The following S100A7A variants were observed in gnomAD, a reference collection of about 807,000 sequenced individuals.
The protein encoded by S100A7A is S100 calcium binding protein A7A.
In S100A7A, 5 loss-of-function variants were observed where a neutral mutation model predicts 4.0. The observed-to-expected ratio is 1.26, with a 90% confidence interval of 0.66 to 2.66. S100A7A has a LOEUF of 2.66. S100A7A is among the 30% of genes most tolerant of loss of function. The pLI is 0.01. For synonymous variants in S100A7A, 52 were observed against 46.4 expected (o/e 1.12, Z -0.49); for missense variants, 159 against 125.1 (o/e 1.27, Z -1.29).
chr1:153,417,745 TG>T (rs147106998), intron 1 of S100A7A, among the ~76,000 whole-genome samples: 2 of 152,282 alleles, frequency 1.3e-5, no homozygotes, highest in South Asian at 4.1e-4. Flanking sequence ...TGGTTGAGGC[TG>T]GGGGGTCCCA....
intron 1 of S100A7A, among the ~76,000 whole-genome samples, chr1:153,417,042 C>A (rs944306916): frequency 2.0e-5 from 3 of 152,264 alleles, no homozygotes; most frequent in Non-Finnish European, 4.4e-5. Flanking sequence ...CTGGCCTTGG[C>A]CTTGGCCTCA....
intron 2 of S100A7A, among the ~76,000 whole-genome samples, chr1:153,418,664 A>T (rs1484450076): frequency 6.6e-6 from 1 of 152,142 alleles, no homozygotes; most frequent in African/African-American, 2.4e-5. Context: ...ATCTGAAAAA[A>T]CCTGTGGGCT....
At position 153,418,144 on chromosome 1, in the gene S100A7A, C is replaced by A. The variant is rs762608171; in HGVS notation, c.62C>A (p.Thr21Asn). 32 of 1,613,954 alleles carry A rather than the reference C, an allele frequency of 2.0e-5. No individual in the cohort carries two copies. The highest frequency in any genetic ancestry group is 3.3e-4 in the Middle Eastern group (2 of 6,084). ...ATGATCGACATGTTTCACAAATACA[C>A]CGGACGTGATGGCAAGATTGAGAAG... ...IGMIDMFHKY[T>N]GRDGKIEKPS... The change falls in exon 2 of 3, where the codon ACC (threonine) becomes AAC (asparagine). Residue 21 changes from threonine to asparagine, a missense_variant. Transcript: ENST00000368729.
At position 153,418,104 on chromosome 1, in the gene S100A7A, A is replaced by C; in HGVS notation, c.22A>C (p.Arg8=). The C allele has an allele frequency of 6.2e-7, 1 of 1,614,202 alleles. No individual in the cohort carries two copies. Among genetic ancestry groups the C allele is most frequent in the Non-Finnish European group, 8.5e-7 (1 of 1,180,018 alleles). The part of the protein sequence containing the change: MSNTQAE[R]SIIGMIDMFH... ...AAAGATGAGCAACACTCAAGCTGAGAGGTCCATAATAGGCATGATCGACAT... is the reference window on the plus strand; with the variant it reads ...AAAGATGAGCAACACTCAAGCTGAGCGGTCCATAATAGGCATGATCGACAT... The change falls in exon 2 of 3, where the codon AGG becomes CGG. Residue 8 remains arginine (R), a synonymous_variant. Transcript: ENST00000368729.
At chr1:153,417,264 G>C (rs377076692) in intron 1 of S100A7A, 1 of 152,206 alleles carries the variant, frequency 6.6e-6, no homozygotes. Flanking sequence ...CTGGCTGGAA[G>C]ATCTGCTTTG....
Position 153,421,441 on chromosome 1 carries a change from A to G in S100A7A, c.*2132A>G, listed in dbSNP as rs1267991005. 6.6e-6 allele frequency: 1 copy of G among 152,250 alleles called. No homozygotes were observed. Among genetic ancestry groups the G allele is most frequent in the Non-Finnish European group, 1.5e-5 (1 of 68,044 alleles). 9.4% of individuals were successfully genotyped at this position (152,250 alleles called of 1,614,324 possible). A position where few individuals can be genotyped will look rare whatever the true frequency, so the allele number is the denominator to read the frequency against. ...CGGATCTCCTGGTTACCCAGCACAT[A>G]GTAGTACTGGATTCCAGCTCATAAT... is the stretch of plus-strand genomic sequence containing the variant. On this transcript the variant is annotated 3_prime_UTR_variant, in exon 3 of 3. Transcript: ENST00000368729.
At chr1:153,418,801 C>A (rs1179823235) in intron 2 of S100A7A, among the ~76,000 whole-genome samples, 1 of 152,120 alleles carries the variant, frequency 6.6e-6, no homozygotes, top group African/African-American at 2.4e-5. Flanking sequence ...AATTTTGAGG[C>A]CCTGGGGTAG....
At chr1:153,417,385 A>G (rs1321697745) in intron 1 of S100A7A, 1 of 152,392 alleles carries the variant, frequency 6.6e-6, no homozygotes, top group Non-Finnish European at 1.5e-5. Context: ...CACCCCATCC[A>G]GCAGCTTAAG....
At chr1:153,417,870 AGGATGGGCCGGGTCTC>A in intron 1 of S100A7A, 180 bp from the exon 2 acceptor site, 1 of 605,480 alleles carries the variant, frequency 1.7e-6, no homozygotes, top group Admixed American at 3.2e-5. Context: ...GGCCCTGGCC[AGGATGGGCCGGGTCTC>A]AGACTTGGTC....
At chr1:153,417,651 T>C (rs746097616) in intron 1 of S100A7A, among the ~76,000 whole-genome samples, 9 of 152,194 alleles carry the variant, frequency 5.9e-5, no homozygotes, top group Admixed American at 5.9e-4. Flanking sequence ...AAGGCCATTG[T>C]CCTGCCCCCG....
At chr1:153,418,516 G>A (rs1662800048) in intron 2 of S100A7A, among the ~76,000 whole-genome samples, 1 of 152,136 alleles carries the variant, frequency 6.6e-6, no homozygotes, top group Non-Finnish European at 1.5e-5. Context: ...CTCTCTGTGA[G>A]ACTGAAACTC....
intron 2 of S100A7A, 112 bp downstream of exon 2, chr1:153,418,335 C>A: frequency 1.4e-6 from 2 of 1,437,492 alleles, no homozygotes; most frequent in African/African-American, 1.4e-5. Context: ...AAAAGTTTCC[C>A]ATTTGCAAAT....
At chr1:153,418,328 A>C in intron 2 of S100A7A, 105 bp downstream of exon 2, 2 of 1,486,442 alleles carry the variant, frequency 1.3e-6, no homozygotes, top group Non-Finnish European at 1.8e-6. Flanking sequence ...CTGATTAAAA[A>C]GTTTCCCATT....
chr1:153,419,472 T>A lies in S100A7A; in HGVS notation c.*163T>A. The A allele has an allele frequency of 1.3e-6, 1 of 784,362 alleles. No homozygotes were observed. The highest frequency in any genetic ancestry group is 2.0e-6 in the Non-Finnish European group (1 of 493,408). 48.6% of individuals were successfully genotyped at this position (784,362 alleles called of 1,614,324 possible). A position where few individuals can be genotyped will look rare whatever the true frequency, so the allele number is the denominator to read the frequency against. The stretch of plus-strand genomic sequence containing the variant: ...ATTTCCCCCACCCCCATCCAGTGGG[T>A]CACCCAGGAGTAATGTCCCTCCAGC... On this transcript the variant is annotated 3_prime_UTR_variant, in exon 3 of 3. Transcript: ENST00000368729.
Position 153,419,153 on chromosome 1 carries a change from G to A in S100A7A, c.150G>A (p.Lys50=), listed in dbSNP as rs757399734. ...FPNFLSACDK[K]GIHYLATVFE... ...TGTTTTTCTCTTCACAGGACAAAAA[G>A]GGCATACATTACCTCGCCACTGTCT... Residue 50 remains lysine, a synonymous_variant, in exon 3 of 3, where the codon AAG becomes AAA. Transcript: ENST00000368729. 9 of 1,613,704 alleles carry A rather than the reference G, an allele frequency of 5.6e-6. No individual in the cohort carries two copies. In the East Asian group the frequency reaches 1.8e-4, roughly 32 times the overall value.
intron 2 of S100A7A, 94 bp from the exon 3 acceptor site, chr1:153,419,051 T>A: frequency 7.5e-7 from 1 of 1,337,442 alleles, no homozygotes; most frequent in Non-Finnish European, 1.1e-6. Context: ...CAGATCTAGG[T>A]ACTTGTCTGT....
intron 1 of S100A7A, among the ~76,000 whole-genome samples, chr1:153,416,866 G>T (rs1571183037): frequency 6.6e-6 from 1 of 152,188 alleles, no homozygotes; most frequent in African/African-American, 2.4e-5. Context: ...TTCCTCCCTG[G>T]ATTCATTCTC....
In S100A7A at chr1:153,417,665, C is replaced by A. The variant is rs368909822; in HGVS notation, c.-17-401C>A. On this transcript the variant is annotated intron_variant, in intron 1 of 2. Coordinates refer to ENST00000368729, the MANE Select transcript of S100A7A (RefSeq NM_176823.4). ...CAAGGCCATTGTCCTGCCCCCGTGA[C>A]TCTCACCCCGACTGTGAAGCTGGAG... Among the ~76,000 whole-genome samples the A allele has an allele frequency of 2.0e-5, 3 of 152,230 alleles. No homozygotes were observed. In the South Asian group the frequency reaches 6.2e-4, roughly 31 times the overall value.
intron 1 of S100A7A, chr1:153,417,422 T>G (rs1006933911): frequency 6.6e-6 from 1 of 152,588 alleles, no homozygotes; most frequent in Non-Finnish European, 1.5e-5. Flanking sequence ...CTGTTCCTTG[T>G]AACAGAGGCA....
Sources: gnomAD v4.1 joint callset for allele counts (sites outside exome capture counted in the v4.1 genomes callset) on GRCh38, gnomAD v4.1.1 for gene constraint, MANE v1.5 for transcripts, NCBI Gene and HGNC (gene_info 2026-07-23, HGNC 2026-07-21) for gene names.